The following INTU variants were observed in gnomAD, a reference collection of about 807,000 sequenced individuals.
INTU encodes inturned planar cell polarity protein.
Under a neutral mutation model 100.5 loss-of-function variants are expected in INTU, and 68 were observed. That is an observed-to-expected ratio of 0.68 (90% confidence interval 0.56 to 0.83). INTU has a LOEUF of 0.83. INTU is among the 40% of genes least tolerant of loss of function. The pLI is 0.00. For missense variants in INTU, 1,071 were observed against 1,114.7 expected, an observed-to-expected ratio of 0.96 and a Z score of 0.56; for synonymous variants, 357 against 395.7, an observed-to-expected ratio of 0.90 and a Z score of 1.16.
chr4:127,633,917 A>C (rs1726954317), intron 1 of INTU, among the ~76,000 whole-genome samples: 1 of 152,234 alleles, frequency 6.6e-6, no homozygotes, highest in Non-Finnish European at 1.5e-5. Context: ...AACTTTAGAA[A>C]AGTCAACTAG....
intron 5 of INTU, 36 bp downstream of exon 5, chr4:127,669,190 T>C: frequency 9.8e-7 from 1 of 1,018,102 alleles, no homozygotes; most frequent in East Asian, 2.4e-5. Context: ...TCTGTTTTTT[T>C]CAAGTTCTTT....
At chr4:127,689,657 C>T (rs1474736045) in intron 8 of INTU, among the ~76,000 whole-genome samples, 1 of 150,010 alleles carries the variant, frequency 6.7e-6, no homozygotes, top group Admixed American at 6.7e-5. Context: ...GAATGAGACC[C>T]TATCTCAGGA....
chr4:127,689,747 G>A (rs931489302), intron 8 of INTU, among the ~76,000 whole-genome samples: 1 of 151,968 alleles, frequency 6.6e-6, no homozygotes. Flanking sequence ...GGAAAGGAAA[G>A]GGGGAGGGAA....
chr4:127,633,005 A>T lies in INTU; in HGVS notation c.-30A>T. The T allele has an allele frequency of 6.3e-7, 1 of 1,597,448 alleles. No individual in the cohort carries two copies. The highest frequency in any genetic ancestry group is 8.6e-7 in the Non-Finnish European group (1 of 1,168,384). On this transcript the variant is annotated 5_prime_UTR_variant, in exon 1 of 16. Coordinates refer to ENST00000335251, the MANE Select transcript of INTU (RefSeq NM_015693.4). ...AAGCTATAGCTGCGAGATTTGAATT[A>T]CTCCACTCGTAGCTATTGCATTCCT...
rs373225024 is a variant in INTU at position 127,687,730 on chromosome 4, T to C, written c.1312T>C (p.Phe438Leu). Reference sequence around the variant, plus strand: ...TCGTTTGGATCATTTTTTTAACTTGTTCTTTCAAAGAGCACTTCAGCCTGC... The same window carrying C: ...TCGTTTGGATCATTTTTTTAACTTGCTCTTTCAAAGAGCACTTCAGCCTGC... Reference protein sequence around the residue: ...VPRLDHFFNLFFQRALQPAKL... With the variant: ...VPRLDHFFNLLFQRALQPAKL... Residue 438 changes from phenylalanine (F) to leucine (L), a missense_variant, in exon 8 of 16, where the codon TTC becomes CTC. Coordinates refer to ENST00000335251, the MANE Select transcript of INTU (RefSeq NM_015693.4). 8 of 1,613,182 alleles carry C rather than the reference T, an allele frequency of 5.0e-6. No homozygotes were observed. In the African/African-American group the frequency reaches 1.1e-4, roughly 22 times the overall value.
rs1731266933 is a variant in INTU, at chr4:127,716,469, T to C, written c.*33T>C. 9.8e-7 allele frequency: 1 copy of C among 1,020,100 alleles called. No homozygotes were observed. The highest frequency in any genetic ancestry group is 1.5e-6 in the Non-Finnish European group (1 of 689,626). 63.2% of individuals were successfully genotyped at this position (1,020,100 alleles called of 1,614,324 possible). ...TTCTTGATGCGTAGAAACACGTGCA[T>C]GGAGGATCAAACACTGTCAGAATTG... is the stretch of plus-strand genomic sequence containing the variant. On this transcript the variant is annotated 3_prime_UTR_variant, in exon 16 of 16. Transcript: ENST00000335251.
intron 1 of INTU, among the ~76,000 whole-genome samples, chr4:127,638,091 A>G (rs1727153496): frequency 6.6e-6 from 1 of 152,238 alleles, no homozygotes; most frequent in Non-Finnish European, 1.5e-5. Flanking sequence ...AAGACCATCA[A>G]GAGTGAAAAT....
chr4:127,638,490 A>T (rs186497336), intron 1 of INTU, among the ~76,000 whole-genome samples: 1 of 152,330 alleles, frequency 6.6e-6, no homozygotes, highest in Admixed American at 6.5e-5. Context: ...TGCTGGCATT[A>T]ATGCAAATAA....
At chr4:127,663,877 T>G (rs1324078789) in intron 4 of INTU, among the ~76,000 whole-genome samples, 1 of 152,164 alleles carries the variant, frequency 6.6e-6, no homozygotes, top group Non-Finnish European at 1.5e-5. Context: ...AGCTAAGGTC[T>G]TTTTAGCTTT....
rs1279975484 is a variant in INTU at position 127,633,069 on chromosome 4, G to A, written c.35G>A (p.Ser12Asn). 1 of 1,613,894 alleles carries A rather than the reference G, an allele frequency of 6.2e-7. No individual in the cohort carries two copies. Reference protein sequence around the residue: ...ASVASCDSRPSSDELPGDPSS... With the variant: ...ASVASCDSRPNSDELPGDPSS... ...GTGGCTTCGTGCGATTCGCGTCCGA[G>A]CTCAGACGAGCTCCCTGGAGACCCC... The change falls in exon 1 of 16, where the codon AGC becomes AAC. Residue 12 changes from serine to asparagine, a missense_variant. Physicochemically the swap from Ser to Asn is conservative, Grantham distance 46. Coordinates refer to ENST00000335251, the MANE Select transcript of INTU (RefSeq NM_015693.4).
chr4:127,710,382 T>A (rs895655447), intron 13 of INTU, among the ~76,000 whole-genome samples: 1 of 152,070 alleles, frequency 6.6e-6, no homozygotes, highest in Non-Finnish European at 1.5e-5. Flanking sequence ...AAACATTTCA[T>A]TCAGTAACTA....
Position 127,710,890 on chromosome 4 carries a change from CTTTGA to C in INTU, c.2370-19_2370-15del, listed in dbSNP as rs1731067594. ...TTTACTAAAATTTCTTTTTTCTTCT[CTTTGA>C]TTTTTTTTCTTTTTAAGACTGACAT... On this transcript the variant is annotated intron_variant, in intron 13 of 15. Coordinates refer to ENST00000335251, the MANE Select transcript of INTU (RefSeq NM_015693.4). 1 of 1,402,398 alleles carries C rather than the reference CTTTGA, an allele frequency of 7.1e-7. No individual in the cohort carries two copies. The highest frequency in any genetic ancestry group is 1.9e-5 in the South Asian group (1 of 52,312). The allele number at this position is 1,402,398 out of a possible 1,614,324, so 86.9% of individuals were successfully genotyped here. A position where few individuals can be genotyped will look rare whatever the true frequency, so the allele number is the denominator to read the frequency against.
At chr4:127,667,042 T>A (rs1728728658) in intron 4 of INTU, among the ~76,000 whole-genome samples, 1 of 152,190 alleles carries the variant, frequency 6.6e-6, no homozygotes, top group African/African-American at 2.4e-5. Context: ...TTGTGTGTAG[T>A]ACTGATCCTT....
chr4:127,671,440 A>G (rs771119647), intron 5 of INTU, among the ~76,000 whole-genome samples: 18 of 152,124 alleles, frequency 1.2e-4, no homozygotes, highest in Non-Finnish European at 2.1e-4. Flanking sequence ...CAGAATGGCT[A>G]TTATTAAAAG....
At chr4:127,639,845 G>C (rs1021832183) in intron 1 of INTU, among the ~76,000 whole-genome samples, 73 of 152,074 alleles carry the variant, frequency 4.8e-4, no homozygotes, top group African/African-American at 1.5e-3. Flanking sequence ...TCCCTACTGT[G>C]TAATAGAACA....
At chr4:127,636,868 C>T (rs1727097103) in intron 1 of INTU, among the ~76,000 whole-genome samples, 1 of 152,160 alleles carries the variant, frequency 6.6e-6, no homozygotes, top group South Asian at 2.1e-4. Context: ...TTCTTCTGCT[C>T]TGAACCCTGA....
chr4:127,654,569 G>C (rs914043565), intron 2 of INTU, among the ~76,000 whole-genome samples: 1 of 152,114 alleles, frequency 6.6e-6, no homozygotes, highest in Non-Finnish European at 1.5e-5. Context: ...CTTCTGGCTC[G>C]TAGGGTTTCT....
intron 5 of INTU, among the ~76,000 whole-genome samples, chr4:127,672,399 A>T (rs1012070782): frequency 6.6e-6 from 1 of 151,310 alleles, no homozygotes; most frequent in Non-Finnish European, 1.5e-5. Flanking sequence ...TTCATTTAGC[A>T]TAAGGAGGTG....
intron 2 of INTU, among the ~76,000 whole-genome samples, chr4:127,648,114 C>T (rs1328251292): frequency 1.3e-5 from 2 of 152,134 alleles, no homozygotes; most frequent in South Asian, 2.1e-4. Flanking sequence ...CTACCCAGGC[C>T]ATTTCTTATT....
Sources: allele counts gnomAD v4.1 joint callset (sites outside exome capture counted in the v4.1 genomes callset), GRCh38; gene constraint gnomAD v4.1.1; transcripts MANE v1.5; gene names NCBI Gene and HGNC (gene_info 2026-07-23, HGNC 2026-07-21).